The following TMEM39A variants were observed in gnomAD, a reference collection of about 807,000 sequenced individuals.
TMEM39A encodes suppressor of SQST-1 aggregates in rpl-43 mutants.
TMEM39A carries 19 observed loss-of-function variants against 51.9 expected under a neutral mutation model. The ratio of observed to expected loss-of-function variants is 0.37; its 90% CI spans 0.26 to 0.54. TMEM39A has a LOEUF of 0.54. TMEM39A is among the 20% of genes least tolerant of loss of function. The pLI is 0.88. For missense variants in TMEM39A, 433 were observed against 590.5 expected (o/e 0.73, Z 2.76); for synonymous variants, 197 against 220.2 (o/e 0.89, Z 0.93).
At chr3:119,435,709 G>T in intron 7 of TMEM39A, 2 of 997,616 alleles carry the variant, frequency 2.0e-6, no homozygotes, top group Non-Finnish European at 2.4e-6. Context: ...GCACCCTAAA[G>T]CTTTCCCAGT....
At position 119,432,218 on chromosome 3, in the gene TMEM39A, T is replaced by C. The variant is rs780537627; in HGVS notation, c.1234-4A>G. On this transcript the variant is annotated splice_region_variant and splice_polypyrimidine_tract_variant and intron_variant, in intron 8 of 8. Transcript: ENST00000319172. ...TTAATGGTCGATGAAATAAGAACTG[T>C]AAGGAAGTTAAAAAAGTAAAACATT... 7.6e-6 allele frequency: 12 copies of C among 1,589,402 alleles called. No homozygotes were observed. Among genetic ancestry groups the C allele is most frequent in the Middle Eastern group, 1.7e-4 (1 of 6,004 alleles).
intron 3 of TMEM39A, among the ~76,000 whole-genome samples, chr3:119,456,264 A>G (rs2081261944): frequency 2.6e-5 from 4 of 152,292 alleles, no homozygotes; most frequent in Admixed American, 1.3e-4. Context: ...CAGTTCCTAC[A>G]CTCAATAAGC....
intron 7 of TMEM39A, 151 bp from the exon 8 acceptor site, chr3:119,435,033 G>A: frequency 7.2e-7 from 1 of 1,391,432 alleles, no homozygotes; most frequent in Middle Eastern, 2.1e-4. Context: ...TGGTCAAACT[G>A]GAGTAGTTTT....
Position 119,458,080 on chromosome 3 carries a change from T to C in TMEM39A, c.274A>G (p.Ile92Val), listed in dbSNP as rs776623497. 2 of 1,614,100 alleles carry C rather than the reference T, an allele frequency of 1.2e-6. No individual in the cohort carries two copies. The highest frequency in any genetic ancestry group is 2.2e-5 in the East Asian group (1 of 44,888). Reference sequence around the variant, plus strand: ...CACCACACTGTTTTATAAATGTTGATGTACTGAATGAAAAGAGCAACCAAC... The same window carrying C: ...CACCACACTGTTTTATAAATGTTGACGTACTGAATGAAAAGAGCAACCAAC... ...YLLVALFIQY[I>V]NIYKTVWWYP... The change falls in exon 3 of 9, where the codon ATC becomes GTC. Residue 92 changes from isoleucine (I) to valine (V), a missense_variant. By Grantham distance (29) the Ile-to-Val change is conservative. This residue lies in a region of TMEM39A where 170 missense variants were observed against 239.8 expected (regional missense o/e 0.71). Transcript: ENST00000319172.
intron 4 of TMEM39A, among the ~76,000 whole-genome samples, chr3:119,452,241 C>T (rs936577009): frequency 3.3e-5 from 5 of 152,230 alleles, no homozygotes; most frequent in Admixed American, 6.5e-5. Flanking sequence ...TCCGACCCTA[C>T]GAATGAATTT....
At chr3:119,439,387 C>T (rs2081018739) in intron 5 of TMEM39A, among the ~76,000 whole-genome samples, 1 of 152,020 alleles carries the variant, frequency 6.6e-6, no homozygotes, top group African/African-American at 2.4e-5. Flanking sequence ...TCAAGACCAG[C>T]CTGGTCAACA....
chr3:119,435,334 C>T (rs1194301813), intron 7 of TMEM39A: 2 of 985,198 alleles, frequency 2.0e-6, no homozygotes, highest in African/African-American at 3.5e-5. Flanking sequence ...TGCAGAATTA[C>T]ATCCCAAAAA....
intron 2 of TMEM39A, 139 bp from the exon 3 acceptor site, chr3:119,458,379 TC>T: frequency 1.5e-6 from 1 of 671,550 alleles, no homozygotes. Context: ...TCCTCTTTTC[TC>T]CCTCCACACT....
chr3:119,437,151 C>G (rs140953368), intron 6 of TMEM39A, among the ~76,000 whole-genome samples, 173 bp from the exon 7 acceptor site: 2 of 152,166 alleles, frequency 1.3e-5, no homozygotes, highest in African/African-American at 4.8e-5. Context: ...ATCCTTCAAC[C>G]TGACTTTCTG....
intron 5 of TMEM39A, among the ~76,000 whole-genome samples, chr3:119,439,148 G>T (rs2081015773): frequency 6.6e-6 from 1 of 152,122 alleles, no homozygotes; most frequent in East Asian, 1.9e-4. Context: ...ACTTCTTATA[G>T]TATTCCAACT....
intron 5 of TMEM39A, among the ~76,000 whole-genome samples, chr3:119,444,551 A>G (rs2081097841): frequency 1.3e-5 from 2 of 152,218 alleles, no homozygotes; most frequent in East Asian, 3.8e-4. Flanking sequence ...TGTCATCCTT[A>G]TTAGCACAAT....
chr3:119,435,264 G>C, intron 7 of TMEM39A: 1 of 985,376 alleles, frequency 1.0e-6, no homozygotes. Flanking sequence ...AGAAGAGAAA[G>C]CTGATGGTAA....
intron 5 of TMEM39A, among the ~76,000 whole-genome samples, chr3:119,444,847 A>AG (rs2107672230): frequency 6.6e-6 from 1 of 152,276 alleles, no homozygotes; most frequent in African/African-American, 2.4e-5. Context: ...ATTAAGACAA[A>AG]GACTCTGGAA....
Position 119,462,131 on chromosome 3 carries a change from T to C in TMEM39A, c.-57A>G. ...TGTAGTTGCAACCCAGGTTAATGGT[T>C]GTCAACCAGTTTCAACTCTGAACGA... On this transcript the variant is annotated 5_prime_UTR_variant, in exon 2 of 9. Transcript: ENST00000319172. 7.3e-7 allele frequency: 1 copy of C among 1,371,854 alleles called. No individual in the cohort carries two copies. Among genetic ancestry groups the C allele is most frequent in the Non-Finnish European group, 1.0e-6 (1 of 970,132 alleles). The allele number at this position is 1,371,854 out of a possible 1,614,324, so 85.0% of individuals were successfully genotyped here.
chr3:119,436,704 C>G (rs1180030262), intron 7 of TMEM39A, 87 bp downstream of exon 7: 1 of 1,393,552 alleles, frequency 7.2e-7, no homozygotes, highest in African/African-American at 1.4e-5. Flanking sequence ...TGTTCAAAGC[C>G]AAGAACAAGA....
At chr3:119,434,413 T>C (rs535887692) in intron 8 of TMEM39A, among the ~76,000 whole-genome samples, 24 of 152,246 alleles carry the variant, frequency 1.6e-4, no homozygotes, top group African/African-American at 5.8e-4. Context: ...AGATACAATA[T>C]ATCTTAACAA....
chr3:119,434,932 A>C, intron 7 of TMEM39A, 50 bp from the exon 8 acceptor site: 1 of 1,592,026 alleles, frequency 6.3e-7, no homozygotes, highest in South Asian at 1.1e-5. Flanking sequence ...TACAGATAAG[A>C]TAGCATCTGG....
Position 119,431,790 on chromosome 3 carries a change from A to T in TMEM39A, c.*191T>A. 1 of 446,274 alleles carries T rather than the reference A, an allele frequency of 2.2e-6. No individual in the cohort carries two copies. The highest frequency in any genetic ancestry group is 3.6e-5 in the East Asian group (1 of 27,690). The allele number at this position is 446,274 out of a possible 1,614,324, so 27.6% of individuals were successfully genotyped here. The stretch of plus-strand genomic sequence containing the variant: ...TACCTCTCATATGTATATTATTCGA[A>T]TATACTAACACATGAAAGATCACAT... On this transcript the variant is annotated 3_prime_UTR_variant, in exon 9 of 9. Transcript: ENST00000319172.
At chr3:119,457,436 A>AG (rs2081280779) in intron 3 of TMEM39A, among the ~76,000 whole-genome samples, 1 of 152,150 alleles carries the variant, frequency 6.6e-6, no homozygotes, top group Non-Finnish European at 1.5e-5. Context: ...TTCTCTTGTA[A>AG]TTAGGAGTGG....
Sources: allele counts gnomAD v4.1 joint callset (sites outside exome capture counted in the v4.1 genomes callset), GRCh38; gene constraint gnomAD v4.1.1; regional missense constraint gnomAD v4.1.1; transcripts MANE v1.5; gene names NCBI Gene and HGNC (gene_info 2026-07-23, HGNC 2026-07-21).